TENM2: variants seen among roughly 807,000 people sequenced by gnomAD.
TENM2 encodes teneurin transmembrane protein 2.
A neutral mutation model predicts 245.2 loss-of-function variants in TENM2; 52 were observed. The ratio of observed to expected loss-of-function variants is 0.21; its 90% CI spans 0.17 to 0.27. TENM2 has a LOEUF of 0.27. Ranked by LOEUF, TENM2 falls within the 10% of genes least tolerant of loss-of-function variation. The pLI, the probability that TENM2 is intolerant of heterozygous loss-of-function variation, is 1.00. For synonymous variants in TENM2, 1,363 were observed against 1,438.9 expected, an observed-to-expected ratio of 0.95 and a Z score of 1.19; for missense variants, 3,046 against 3,666.8, an observed-to-expected ratio of 0.83 and a Z score of 4.37.
intron 2 of TENM2, among the ~76,000 whole-genome samples, chr5:167,568,646 GGTGTGTGTGT>G (rs3138740): frequency 3.6e-3 from 517 of 142,616 alleles, no homozygotes; most frequent in Non-Finnish European, 5.6e-3. Context: ...CAGAGACCAT[GGTGTGTGTGT>G]GTGTGTGTGT....
intron 7 of TENM2, among the ~76,000 whole-genome samples, chr5:168,075,732 G>A (rs1326762977): frequency 2.6e-5 from 4 of 152,148 alleles, no homozygotes; most frequent in African/African-American, 4.8e-5. Context: ...AGACATACTC[G>A]AGACTGGGTA....
At position 167,865,072 on chromosome 5, in the gene TENM2, C is replaced by G. The variant is rs113920100; in HGVS notation, c.503-10914C>G. ...CAACTAAGCTCTTACAAAATAGATT[C>G]TAGGACGGCAAGAAAACAGCTCAAT... On this transcript the variant is annotated intron_variant, in intron 2 of 28. Coordinates refer to ENST00000518659, the Ensembl canonical transcript of TENM2. 3.5e-4 allele frequency among the ~76,000 whole-genome samples: 53 copies of G among 152,246 alleles called. 1 individual carries two copies. Among genetic ancestry groups the G allele is most frequent in the African/African-American group, 1.2e-3 (51 of 41,548 alleles).
At chr5:167,159,388 A>G in the TENM2 span, among the ~76,000 whole-genome samples, 1 of 152,208 alleles carries the variant, frequency 6.6e-6, no homozygotes, top group African/African-American at 2.4e-5. Context: ...AGGAGGAATA[A>G]GTTCAAGAGA....
At position 167,431,932 on chromosome 5, in the gene TENM2, T is replaced by C. The variant is rs913571039; in HGVS notation, c.502+56459T>C. On this transcript the variant is annotated intron_variant, in intron 2 of 28. Coordinates refer to ENST00000518659, the Ensembl canonical transcript of TENM2. Reference sequence around the variant, plus strand: ...AAGGTGTGATATATATATATACATATATATATACATATATATGTATATATA... The same window carrying C: ...AAGGTGTGATATATATATATACATACATATATACATATATATGTATATATA... Among the ~76,000 whole-genome samples the C allele has an allele frequency of 1.0e-4, 10 of 95,612 alleles. 2 individuals are homozygous for C. The highest frequency in any genetic ancestry group is 3.7e-4 in the African/African-American group (10 of 27,096). 62.7% of individuals were successfully genotyped at this position (95,612 alleles called of 152,430 possible).
chr5:167,598,424 G>T (rs897951581), intron 2 of TENM2, among the ~76,000 whole-genome samples: 2 of 152,148 alleles, frequency 1.3e-5, no homozygotes, highest in African/African-American at 2.4e-5. Context: ...GAAATCTCAA[G>T]GGGGACTATG....
At chr5:167,923,605 C>T (rs1249688601) in intron 3 of TENM2, among the ~76,000 whole-genome samples, 1 of 152,212 alleles carries the variant, frequency 6.6e-6, no homozygotes, top group African/African-American at 2.4e-5. Flanking sequence ...CTAGTCATGT[C>T]TGGTCTGCAT....
At chr5:167,192,484 G>A in the TENM2 span, among the ~76,000 whole-genome samples, 2 of 152,046 alleles carry the variant, frequency 1.3e-5, no homozygotes, top group East Asian at 1.9e-4. Context: ...GGAGAAAGGA[G>A]TGTAGGTAAG....
chr5:167,591,466 A>C (rs1456452186), intron 2 of TENM2, among the ~76,000 whole-genome samples: 1 of 152,186 alleles, frequency 6.6e-6, no homozygotes, highest in African/African-American at 2.4e-5. Flanking sequence ...CTTCCAATTA[A>C]TTTCAGTTTC....
At chr5:167,630,514 A>G (rs984665454) in intron 2 of TENM2, among the ~76,000 whole-genome samples, 5 of 152,178 alleles carry the variant, frequency 3.3e-5, no homozygotes, top group Non-Finnish European at 7.4e-5. Context: ...TTTTCAGACC[A>G]CTATTGAGCA....
At chr5:167,788,314 C>G (rs1378835537) in intron 2 of TENM2, among the ~76,000 whole-genome samples, 1 of 152,168 alleles carries the variant, frequency 6.6e-6, no homozygotes, top group Non-Finnish European at 1.5e-5. Flanking sequence ...CCTAGTATTG[C>G]TTTTCTCTTC....
intron 2 of TENM2, among the ~76,000 whole-genome samples, chr5:167,738,061 A>G (rs1318096490): frequency 6.6e-6 from 1 of 152,138 alleles, no homozygotes; most frequent in Non-Finnish European, 1.5e-5. Context: ...TCTTGTGCTG[A>G]TACTTGTTTT....
intron 2 of TENM2, among the ~76,000 whole-genome samples, chr5:167,584,226 G>A (rs1315184148): frequency 2.0e-5 from 3 of 152,228 alleles, no homozygotes; most frequent in East Asian, 1.9e-4. Flanking sequence ...AGACAAAAGT[G>A]CACTCCATAG....
At chr5:167,268,692 G>A in the TENM2 span, among the ~76,000 whole-genome samples, 1 of 152,082 alleles carries the variant, frequency 6.6e-6, no homozygotes, top group African/African-American at 2.4e-5. Flanking sequence ...TTGAAACACA[G>A]GCATGCCCAT....
At chr5:168,147,561 TG>T (rs1254625942) in intron 12 of TENM2, among the ~76,000 whole-genome samples, 1 of 152,190 alleles carries the variant, frequency 6.6e-6, no homozygotes, top group Non-Finnish European at 1.5e-5. Context: ...ATTATCTGTT[TG>T]GGGGAAGTGA....
chr5:167,253,921 C>G, the TENM2 span, among the ~76,000 whole-genome samples: 19 of 151,938 alleles, frequency 1.3e-4, no homozygotes, highest in African/African-American at 4.1e-4. Context: ...CCATTTTCTC[C>G]CACTTCAGAC....
At chr5:167,214,717 A>G in the TENM2 span, among the ~76,000 whole-genome samples, 1 of 152,178 alleles carries the variant, frequency 6.6e-6, no homozygotes, top group Non-Finnish European at 1.5e-5. Context: ...GGCAATACAT[A>G]TGGTGTCACT....
chr5:167,790,167 A>C (rs751028320), intron 2 of TENM2, among the ~76,000 whole-genome samples: 1 of 152,010 alleles, frequency 6.6e-6, no homozygotes, highest in African/African-American at 2.4e-5. Context: ...TCCTGCACAG[A>C]GCTTCCGTTC....
At chr5:167,336,702 A>G (rs1757780242) in intron 1 of TENM2, among the ~76,000 whole-genome samples, 1 of 152,150 alleles carries the variant, frequency 6.6e-6, no homozygotes, top group South Asian at 2.1e-4. Context: ...CTGAAATTCA[A>G]AATGCTCCAA....
intron 2 of TENM2, among the ~76,000 whole-genome samples, chr5:167,795,001 C>T (rs978324666): frequency 6.6e-6 from 1 of 152,154 alleles, no homozygotes; most frequent in African/African-American, 2.4e-5. Flanking sequence ...TATACTCTAA[C>T]ATTATTCCAA....
Sources: allele counts gnomAD v4.1 joint callset (sites outside exome capture counted in the v4.1 genomes callset), GRCh38; gene constraint gnomAD v4.1.1; transcripts MANE v1.5; gene names NCBI Gene and HGNC (gene_info 2026-07-23, HGNC 2026-07-21).